Variants in MAPK8 observed in about 807,000 individuals in gnomAD.
The protein encoded by MAPK8 is mitogen-activated protein kinase 8, also known as JUN N-terminal kinase.
Under a neutral mutation model 52.9 loss-of-function variants are expected in MAPK8, and 13 were observed. That is an observed-to-expected ratio of 0.25 (90% CI 0.16 to 0.39). The LOEUF (loss-of-function observed/expected upper bound fraction) is 0.39, where lower values mean the gene tolerates loss of function less well. MAPK8 is among the 10% of genes least tolerant of loss of function. The probability of loss-of-function intolerance (pLI) is 1.00; values close to 1 mark genes in which losing one functional copy is unlikely to be tolerated. For missense variants in MAPK8, 300 were observed against 519.2 expected, an observed-to-expected ratio of 0.58 and a Z score of 4.10; for synonymous variants, 191 against 169.8, an observed-to-expected ratio of 1.12 and a Z score of -0.97.
At chr10:48,377,805 G>A (rs775968854) in intron 1 of MAPK8, among the ~76,000 whole-genome samples, 4 of 152,098 alleles carry the variant, frequency 2.6e-5, no homozygotes, top group Admixed American at 6.6e-5. Context: ...ATAAATAAAA[G>A]ATGAATAGGG....
In MAPK8 at chr10:48,432,970, A is replaced by G. The variant is rs981784772; in HGVS notation, c.1138+1700A>G. 2.6e-5 allele frequency among the ~76,000 whole-genome samples: 4 copies of G among 152,348 alleles called. No homozygotes were observed. The South Asian group carries it at 8.3e-4, about 32-fold the overall frequency. On this transcript the variant is annotated intron_variant, in intron 11 of 11. Transcript: ENST00000374189. The stretch of plus-strand genomic sequence containing the variant: ...GTAAATCAAAATACCAGATAACCAC[A>G]GTACCATTTCCACTTGATTTTTAAA...
At chr10:48,372,821 C>T (rs1293935879) in intron 1 of MAPK8, among the ~76,000 whole-genome samples, 1 of 152,074 alleles carries the variant, frequency 6.6e-6, no homozygotes, top group Non-Finnish European at 1.5e-5. Flanking sequence ...GGATATTATC[C>T]AGGAGAAGTT....
At chr10:48,382,713 G>C (rs1978998) in intron 1 of MAPK8, among the ~76,000 whole-genome samples, 5,472 of 149,072 alleles carry the variant, frequency 0.037, 284 homozygotes, top group African/African-American at 0.11. Flanking sequence ...GAATCCAAAA[G>C]AGTAAAACAT....
chr10:48,381,067 A>G (rs977264677), intron 1 of MAPK8, among the ~76,000 whole-genome samples: 11 of 152,124 alleles, frequency 7.2e-5, no homozygotes, highest in Non-Finnish European at 1.6e-4. Context: ...ACCTTTTACT[A>G]TCTCCTGTTA....
chr10:48,425,201 A>C (rs2043602375), intron 7 of MAPK8: 3 of 767,310 alleles, frequency 3.9e-6, no homozygotes, highest in Non-Finnish European at 7.3e-6. Context: ...GAAAAGGCAT[A>C]TTCACAAGGT....
chr10:48,311,201 G>A (rs1841954240), intron 1 of MAPK8, among the ~76,000 whole-genome samples: 1 of 152,120 alleles, frequency 6.6e-6, no homozygotes, highest in African/African-American at 2.4e-5. Context: ...TTTTGCTATT[G>A]TTATCACTTA....
intron 1 of MAPK8, among the ~76,000 whole-genome samples, chr10:48,400,910 G>A (rs568701310): frequency 6.6e-5 from 10 of 152,282 alleles, no homozygotes; most frequent in African/African-American, 2.2e-4. Context: ...AAGTTGAATC[G>A]TACTTTTAAT....
intron 5 of MAPK8, among the ~76,000 whole-genome samples, chr10:48,412,444 A>C (rs1250416096): frequency 6.6e-6 from 1 of 152,170 alleles, no homozygotes; most frequent in Non-Finnish European, 1.5e-5. Flanking sequence ...TCTTTTATCA[A>C]ATTTAGCAAA....
At chr10:48,387,598 T>A (rs1197326906) in intron 1 of MAPK8, among the ~76,000 whole-genome samples, 1 of 152,188 alleles carries the variant, frequency 6.6e-6, no homozygotes, top group Non-Finnish European at 1.5e-5. Context: ...ATTTAACTTT[T>A]GAATATCCAG....
intron 1 of MAPK8, among the ~76,000 whole-genome samples, chr10:48,333,554 G>A (rs183337080): frequency 2.6e-5 from 4 of 152,322 alleles, no homozygotes; most frequent in African/African-American, 9.6e-5. Context: ...AAGATGGGAG[G>A]GCCAGGGCTG....
chr10:48,328,532 T>C (rs1052783933), intron 1 of MAPK8, among the ~76,000 whole-genome samples: 14 of 152,336 alleles, frequency 9.2e-5, no homozygotes, highest in African/African-American at 3.1e-4. Context: ...CCTGTACTTA[T>C]CTTGCCTTAA....
At chr10:48,432,244 A>G (rs1342875009) in intron 11 of MAPK8, among the ~76,000 whole-genome samples, 1 of 152,240 alleles carries the variant, frequency 6.6e-6, no homozygotes, top group Non-Finnish European at 1.5e-5. Flanking sequence ...TTTGAGGAAA[A>G]AAATAGATGT....
chr10:48,375,087 T>C (rs452561), intron 1 of MAPK8, among the ~76,000 whole-genome samples: 1 of 152,210 alleles, frequency 6.6e-6, no homozygotes, highest in Admixed American at 6.5e-5. Flanking sequence ...GTTCAACATA[T>C]GCAAATCAAT....
At chr10:48,391,343 C>T (rs991932464) in intron 1 of MAPK8, among the ~76,000 whole-genome samples, 2 of 152,266 alleles carry the variant, frequency 1.3e-5, no homozygotes, top group Admixed American at 6.5e-5. Flanking sequence ...AATTCTATAA[C>T]AAGAGTTCCT....
intron 1 of MAPK8, among the ~76,000 whole-genome samples, chr10:48,318,253 A>G (rs1015002598): frequency 9.9e-5 from 15 of 152,178 alleles, no homozygotes; most frequent in Non-Finnish European, 1.0e-4. Context: ...GATGAGGCCT[A>G]CCCACGGTAT....
At chr10:48,418,919 C>T (rs1460842512) in intron 5 of MAPK8, among the ~76,000 whole-genome samples, 2 of 152,108 alleles carry the variant, frequency 1.3e-5, no homozygotes, top group Admixed American at 6.5e-5. Flanking sequence ...AGCCAGTAAC[C>T]TTCAACCATC....
At chr10:48,403,144 T>C (rs776980971) in intron 2 of MAPK8, among the ~76,000 whole-genome samples, 4 of 152,196 alleles carry the variant, frequency 2.6e-5, no homozygotes, top group Non-Finnish European at 5.9e-5. Flanking sequence ...GTTTGACCTA[T>C]AATATTATAT....
chr10:48,394,345 C>T (rs2041782475), intron 1 of MAPK8, among the ~76,000 whole-genome samples: 1 of 151,778 alleles, frequency 6.6e-6, no homozygotes, highest in Non-Finnish European at 1.5e-5. Flanking sequence ...GAAAAATCTT[C>T]AATGAAATTT....
chr10:48,430,872 T>C, intron 10 of MAPK8: 1 of 350,538 alleles, frequency 2.9e-6, no homozygotes, highest in Non-Finnish European at 5.2e-6. Flanking sequence ...TACAGAATGG[T>C]ATGTGGTATG....
Sources: allele counts gnomAD v4.1 joint callset (sites outside exome capture counted in the v4.1 genomes callset), GRCh38; gene constraint gnomAD v4.1.1; transcripts MANE v1.5; gene names NCBI Gene and HGNC (gene_info 2026-07-23, HGNC 2026-07-21).